Variants in DCSTAMP observed in about 807,000 individuals in gnomAD.
The protein encoded by DCSTAMP is dendrocyte expressed seven transmembrane protein.
In DCSTAMP, 25 loss-of-function variants were observed where a neutral mutation model predicts 33.8. The observed-to-expected ratio is 0.74, with a 90% CI of 0.54 to 1.03. DCSTAMP has a LOEUF of 1.03. Among genes scored for constraint, DCSTAMP ranks in the 50% least tolerant of loss-of-function variants. DCSTAMP has a pLI of 0.00. For missense variants in DCSTAMP, 531 were observed against 556.8 expected, an observed-to-expected ratio of 0.95 and a Z score of 0.47; for synonymous variants, 245 against 216.7, an observed-to-expected ratio of 1.13 and a Z score of -1.15.
At chr8:104,354,821 C>G in intron 2 of DCSTAMP, 56 bp from the exon 3 acceptor site, 1 of 1,227,984 alleles carries the variant, frequency 8.1e-7, no homozygotes. Flanking sequence ...CTGAGAAAGA[C>G]AAGAACTGAG....
At chr8:104,355,535 A>G (rs1810600092) in intron 3 of DCSTAMP, among the ~76,000 whole-genome samples, 1 of 152,156 alleles carries the variant, frequency 6.6e-6, no homozygotes, top group South Asian at 2.1e-4. Flanking sequence ...AGACAGGGAA[A>G]TGTCTACTAT....
intron 2 of DCSTAMP, among the ~76,000 whole-genome samples, chr8:104,352,006 G>T (rs928971644): frequency 1.3e-5 from 2 of 151,956 alleles, no homozygotes; most frequent in Non-Finnish European, 2.9e-5. Context: ...ATATTTATGG[G>T]GTATCCAGTA....
At position 104,356,512 on chromosome 8, in the gene DCSTAMP, C is replaced by T. The variant is rs941362935; in HGVS notation, c.*314C>T. ...AGAATAATGTTCAAGGAAAAGAAAA[C>T]GAAAACAGTTTAAATCTCTACCACA... On this transcript the variant is annotated 3_prime_UTR_variant, in exon 4 of 4. Transcript: ENST00000297581. The T allele has an allele frequency of 4.9e-5, 9 of 182,454 alleles. No individual in the cohort carries two copies. In the South Asian group the frequency reaches 7.1e-4, roughly 14 times the overall value. 11.3% of individuals were successfully genotyped at this position (182,454 alleles called of 1,614,324 possible). A position where few individuals can be genotyped will look rare whatever the true frequency, so the allele number is the denominator to read the frequency against.
intron 1 of DCSTAMP, among the ~76,000 whole-genome samples, chr8:104,343,494 T>C (rs1375545350): frequency 6.6e-6 from 1 of 152,240 alleles, no homozygotes; most frequent in Non-Finnish European, 1.5e-5. Flanking sequence ...TTGTGTCTTC[T>C]GCCAATTTAT....
At position 104,348,780 on chromosome 8, in the gene DCSTAMP, G is replaced by A; in HGVS notation, c.228G>A (p.Lys76=). The A allele has an allele frequency of 6.2e-7, 1 of 1,614,162 alleles. No homozygotes were observed. The change falls in exon 2 of 4, where the codon AAG becomes AAA. Residue 76 remains lysine (K), a synonymous_variant. Coordinates refer to ENST00000297581, the MANE Select transcript of DCSTAMP (RefSeq NM_030788.4). ...CGTGTGTTCTGCTGTGTTGCTCCAA[G>A]CATGCACGATGTTTTATTCTTCTTG... ...IITCVLLCCS[K]HARCFILLVF... is the part of the protein sequence containing the mutation.
chr8:104,348,969 A>C lies in DCSTAMP; in HGVS notation c.417A>C (p.Pro139=). 6.2e-7 allele frequency: 1 copy of C among 1,614,180 alleles called. No individual in the cohort carries two copies. Among genetic ancestry groups the C allele is most frequent in the Non-Finnish European group, 8.5e-7 (1 of 1,180,028 alleles). Residue 139 remains proline, a synonymous_variant, in exon 2 of 4, where the codon CCA becomes CCC. Transcript: ENST00000297581. ...CAAAGAGCTTTTCCATACATTTTCC[A>C]CTTTTGAAAAAATATATTGAGGCAA... ...LRAKSFSIHF[P]LLKKYIEAIQ... is the part of the protein sequence containing the mutation.
chr8:104,341,674 C>T (rs1013521067), intron 1 of DCSTAMP, among the ~76,000 whole-genome samples: 27 of 152,220 alleles, frequency 1.8e-4, no homozygotes, highest in African/African-American at 5.8e-4. Flanking sequence ...CATGGCTCTG[C>T]AGGGCTCTCA....
At position 104,356,270 on chromosome 8, in the gene DCSTAMP, A is replaced by G. The variant is rs1810623456; in HGVS notation, c.*72A>G. On this transcript the variant is annotated 3_prime_UTR_variant, in exon 4 of 4. Transcript: ENST00000297581. ...AGGTCTAGGATGGCAGTCACTATTC[A>G]TGCCGGATAATAGAGAACTATGTGA... is the stretch of plus-strand genomic sequence containing the variant. 13 of 1,446,874 alleles carry G rather than the reference A, an allele frequency of 9.0e-6. No homozygotes were observed. Among genetic ancestry groups the G allele is most frequent in the Non-Finnish European group, 1.9e-6 (2 of 1,059,198 alleles). The allele number at this position is 1,446,874 out of a possible 1,614,324, so 89.6% of individuals were successfully genotyped here.
At position 104,356,655 on chromosome 8, in the gene DCSTAMP, C is replaced by A. The variant is rs1810634194; in HGVS notation, c.*457C>A. On this transcript the variant is annotated 3_prime_UTR_variant, in exon 4 of 4. Transcript: ENST00000297581. ...GCCCCCACAATGGTCTCTTTTCTCC[C>A]TGCTCCCTTATTAAAGAACTCTTTC... is the stretch of plus-strand genomic sequence containing the variant. 1 of 152,294 alleles carries A rather than the reference C, an allele frequency of 6.6e-6. No individual in the cohort carries two copies. Among genetic ancestry groups the A allele is most frequent in the African/African-American group, 2.4e-5 (1 of 41,446 alleles). 9.4% of individuals were successfully genotyped at this position (152,294 alleles called of 1,614,324 possible).
intron 1 of DCSTAMP, among the ~76,000 whole-genome samples, chr8:104,340,092 G>C (rs1021961936): frequency 6.6e-5 from 10 of 152,074 alleles, no homozygotes; most frequent in Admixed American, 5.9e-4. Flanking sequence ...GGGTATACGC[G>C]AGCCACCCTT....
At chr8:104,354,323 C>T (rs1810552036) in intron 2 of DCSTAMP, among the ~76,000 whole-genome samples, 1 of 152,140 alleles carries the variant, frequency 6.6e-6, no homozygotes, top group South Asian at 2.1e-4. Context: ...AATGCCTCAA[C>T]ATCTCTGTGA....
At position 104,356,498 on chromosome 8, in the gene DCSTAMP, C is replaced by G. The variant is rs1810628789; in HGVS notation, c.*300C>G. 1 of 202,126 alleles carries G rather than the reference C, an allele frequency of 4.9e-6. No homozygotes were observed. The highest frequency in any genetic ancestry group is 9.9e-6 in the Non-Finnish European group (1 of 100,712). 12.5% of individuals were successfully genotyped at this position (202,126 alleles called of 1,614,324 possible). On this transcript the variant is annotated 3_prime_UTR_variant, in exon 4 of 4. Coordinates refer to ENST00000297581, the MANE Select transcript of DCSTAMP (RefSeq NM_030788.4). ...ATGAGTTTCAGCATAGAATAATGTTCAAGGAAAAGAAAACGAAAACAGTTT... is the reference window on the plus strand; with the variant it reads ...ATGAGTTTCAGCATAGAATAATGTTGAAGGAAAAGAAAACGAAAACAGTTT...
chr8:104,349,681 C>T lies in DCSTAMP; in HGVS notation c.1029+100C>T. ...CCGAGGCAGGGCAGTGGCTCATTCA[C>T]CTTTGCATCCTTGGTGCCCAGCATA... On this transcript the variant is annotated intron_variant, in intron 2 of 3. Coordinates refer to ENST00000297581, the MANE Select transcript of DCSTAMP (RefSeq NM_030788.4). 3.8e-6 allele frequency: 5 copies of T among 1,327,522 alleles called. No homozygotes were observed. The South Asian group carries it at 7.1e-5, about 19-fold the overall frequency. The allele number at this position is 1,327,522 out of a possible 1,614,324, so 82.2% of individuals were successfully genotyped here.
intron 2 of DCSTAMP, among the ~76,000 whole-genome samples, chr8:104,349,958 C>G (rs1810418042): frequency 1.3e-5 from 2 of 152,132 alleles, no homozygotes; most frequent in Non-Finnish European, 2.9e-5. Context: ...CGATGGCATC[C>G]CTTTGCCTGT....
At chr8:104,348,505 A>G in intron 1 of DCSTAMP, 36 bp from the exon 2 acceptor site, 1 of 1,574,564 alleles carries the variant, frequency 6.4e-7, no homozygotes, top group East Asian at 2.2e-5. Context: ...GACATTCAAA[A>G]GTAATTTCTG....
intron 1 of DCSTAMP, among the ~76,000 whole-genome samples, chr8:104,344,610 C>T (rs1314824225): frequency 2.0e-5 from 3 of 152,172 alleles, no homozygotes; most frequent in Non-Finnish European, 4.4e-5. Flanking sequence ...CCTTCTCAAT[C>T]AAGATCTGCA....
In DCSTAMP at chr8:104,350,330, G is replaced by A. The variant is rs185051862; in HGVS notation, c.1029+749G>A. ...CCTAAGAGACACGGATTTAGGGTCT[G>A]CCTTCCTCTCATCCTCAAGCTTAGG... On this transcript the variant is annotated intron_variant, in intron 2 of 3. Coordinates refer to ENST00000297581, the MANE Select transcript of DCSTAMP (RefSeq NM_030788.4). 2.4e-4 allele frequency among the ~76,000 whole-genome samples: 36 copies of A among 152,306 alleles called. 1 individual carries two copies. Among genetic ancestry groups the A allele is most frequent in the Admixed American group, 2.3e-3 (35 of 15,298 alleles).
At position 104,349,241 on chromosome 8, in the gene DCSTAMP, T is replaced by A; in HGVS notation, c.689T>A (p.Phe230Tyr). The change falls in exon 2 of 4, where the codon TTC (phenylalanine) becomes TAC (tyrosine). Residue 230 changes from phenylalanine (F) to tyrosine (Y), a missense_variant. Phe to Tyr is a conservative substitution (Grantham distance 22). Transcript: ENST00000297581. Reference protein sequence around the residue: ...LSLVLLGTGLFMKRFLGPCGW... With the variant: ...LSLVLLGTGLYMKRFLGPCGW... Reference sequence around the variant, plus strand: ...CTCGTCCTGCTTGGCACTGGCCTCTTCATGAAGCGATTTTTGGGCCCTTGT... The same window carrying A: ...CTCGTCCTGCTTGGCACTGGCCTCTACATGAAGCGATTTTTGGGCCCTTGT... 1 of 1,614,204 alleles carries A rather than the reference T, an allele frequency of 6.2e-7. No homozygotes were observed. The highest frequency in any genetic ancestry group is 1.3e-5 in the African/African-American group (1 of 75,034).
chr8:104,351,713 G>C (rs937500862), intron 2 of DCSTAMP, among the ~76,000 whole-genome samples: 1 of 152,190 alleles, frequency 6.6e-6, no homozygotes. Flanking sequence ...TTTGTAAGCT[G>C]TCATGGTGCT....
Sources: allele counts gnomAD v4.1 joint callset (sites outside exome capture counted in the v4.1 genomes callset), GRCh38; gene constraint gnomAD v4.1.1; transcripts MANE v1.5; gene names NCBI Gene and HGNC (gene_info 2026-07-23, HGNC 2026-07-21).